The following SRD5A2 variants were observed in gnomAD, a reference collection of about 807,000 sequenced individuals.
SRD5A2 encodes the protein 3-oxo-5-alpha-steroid 4-dehydrogenase 2.
SRD5A2 carries 30 observed loss-of-function variants against 27.4 expected under a neutral mutation model. The observed-to-expected ratio is 1.10, with a 90% CI of 0.82 to 1.49. The LOEUF (loss-of-function observed/expected upper bound fraction) is 1.49. SRD5A2 is among the 40% of genes most tolerant of loss of function. The pLI is 0.00. For missense variants in SRD5A2, 348 were observed against 323.4 expected (o/e 1.08, Z -0.58); for synonymous variants, 141 against 133.6 (o/e 1.06, Z -0.38).
At chr2:31,654,173 A>G in the SRD5A2 span, among the ~76,000 whole-genome samples, 2 of 152,204 alleles carry the variant, frequency 1.3e-5, no homozygotes, top group Admixed American at 6.5e-5. Context: ...CAGAAATGGA[A>G]AAGTTATACC....
the SRD5A2 span, among the ~76,000 whole-genome samples, chr2:31,603,792 A>C: frequency 3.9e-5 from 6 of 152,120 alleles, no homozygotes; most frequent in African/African-American, 1.4e-4. Context: ...CTAACACAGG[A>C]ACAGAAAAAC....
chr2:31,626,167 A>T, the SRD5A2 span, among the ~76,000 whole-genome samples: 4 of 151,700 alleles, frequency 2.6e-5, no homozygotes, highest in African/African-American at 9.7e-5. Flanking sequence ...TTGTCTGTTA[A>T]TGGTGTATAA....
At chr2:31,526,646 C>A (rs1328115494) in intron 4 of SRD5A2, among the ~76,000 whole-genome samples, 2 of 152,012 alleles carry the variant, frequency 1.3e-5, no homozygotes, top group Non-Finnish European at 2.9e-5. Flanking sequence ...ATACAGGGAA[C>A]CAAAGACTAT....
At chr2:31,632,598 T>C in the SRD5A2 span, among the ~76,000 whole-genome samples, 2 of 152,240 alleles carry the variant, frequency 1.3e-5, no homozygotes, top group South Asian at 4.1e-4. Context: ...AACTGTCTCC[T>C]GGACACTGGC....
At chr2:31,535,152 G>T (rs1158854403) in intron 1 of SRD5A2, among the ~76,000 whole-genome samples, 1 of 151,842 alleles carries the variant, frequency 6.6e-6, no homozygotes, top group African/African-American at 2.4e-5. Context: ...CTCCCAAGCA[G>T]CTGGGACTAC....
intron 1 of SRD5A2, among the ~76,000 whole-genome samples, chr2:31,555,867 G>A (rs1229703075): frequency 6.6e-6 from 1 of 152,158 alleles, no homozygotes; most frequent in Non-Finnish European, 1.5e-5. Context: ...CTACTCGGGA[G>A]GGTAAAGTAG....
the SRD5A2 span, among the ~76,000 whole-genome samples, chr2:31,594,325 C>G: frequency 6.6e-6 from 1 of 152,068 alleles, no homozygotes; most frequent in East Asian, 1.9e-4. Context: ...CACATAAAGA[C>G]TCACATAAAC....
chr2:31,582,940 T>A (rs1377128430), upstream of SRD5A2, among the ~76,000 whole-genome samples: 1 of 152,054 alleles, frequency 6.6e-6, no homozygotes, highest in African/African-American at 2.4e-5. Context: ...TTTTTTTAAA[T>A]GAAATGTCTT....
the SRD5A2 span, among the ~76,000 whole-genome samples, chr2:31,637,666 C>G: frequency 3.3e-5 from 5 of 152,028 alleles, no homozygotes; most frequent in Non-Finnish European, 5.9e-5. Flanking sequence ...TTTTTCTATA[C>G]ACTGTTGCTC....
chr2:31,524,775 G>A lies in SRD5A2; in HGVS notation c.*1421C>T, dbSNP rs149256524. On this transcript the variant is annotated 3_prime_UTR_variant, in exon 5 of 5. Coordinates refer to ENST00000622030, the MANE Select transcript of SRD5A2 (RefSeq NM_000348.4). ...TTGCTAAATATTGACAATGCATTCC[G>A]CAAACATAGGCCTGAGAAGACAAAT... 6 of 228,450 alleles carry A rather than the reference G, an allele frequency of 2.6e-5. No homozygotes were observed. The highest frequency in any genetic ancestry group is 6.3e-5 in the East Asian group (1 of 15,974). The allele number at this position is 228,450 out of a possible 1,614,324, so 14.2% of individuals were successfully genotyped here.
At chr2:31,661,529 C>A in the SRD5A2 span, among the ~76,000 whole-genome samples, 3 of 152,126 alleles carry the variant, frequency 2.0e-5, no homozygotes, top group Non-Finnish European at 4.4e-5. Context: ...TAGTCTGGAA[C>A]AAAAGGGAAA....
At chr2:31,643,012 A>T in the SRD5A2 span, among the ~76,000 whole-genome samples, 2 of 152,104 alleles carry the variant, frequency 1.3e-5, no homozygotes, top group South Asian at 4.1e-4. Context: ...AAAAATAGTT[A>T]TCTGGGCAGG....
At chr2:31,627,982 A>G in the SRD5A2 span, among the ~76,000 whole-genome samples, 2 of 152,096 alleles carry the variant, frequency 1.3e-5, no homozygotes, top group Admixed American at 6.6e-5. Flanking sequence ...GTACATGTCT[A>G]TTAGTTGCAT....
chr2:31,593,142 G>A, the SRD5A2 span, among the ~76,000 whole-genome samples: 3 of 152,054 alleles, frequency 2.0e-5, no homozygotes, highest in African/African-American at 7.2e-5. Flanking sequence ...GATAGCATTC[G>A]GAGATATACC....
chr2:31,561,043 T>C (rs778478151), intron 1 of SRD5A2, among the ~76,000 whole-genome samples: 3 of 152,142 alleles, frequency 2.0e-5, no homozygotes, highest in Non-Finnish European at 4.4e-5. Context: ...ATCCCAACCC[T>C]AGAAAAGCAA....
the SRD5A2 span, among the ~76,000 whole-genome samples, chr2:31,631,286 G>C: frequency 8.5e-5 from 13 of 152,066 alleles, no homozygotes; most frequent in East Asian, 2.1e-3. Context: ...CTTTCTTTGT[G>C]GTCAAGAAAG....
intron 1 of SRD5A2, among the ~76,000 whole-genome samples, chr2:31,542,947 T>C (rs1180984552): frequency 6.6e-6 from 1 of 152,102 alleles, no homozygotes; most frequent in Admixed American, 6.6e-5. Flanking sequence ...TCCAAGAAGC[T>C]CAATTAACTC....
At chr2:31,547,895 TTAGA>T (rs879741952) in intron 1 of SRD5A2, among the ~76,000 whole-genome samples, 39 of 152,216 alleles carry the variant, frequency 2.6e-4, no homozygotes, top group Non-Finnish European at 4.3e-4. Flanking sequence ...ATAGATATAG[TTAGA>T]TAGATACAGA....
intron 1 of SRD5A2, among the ~76,000 whole-genome samples, chr2:31,544,965 T>A (rs763344516): frequency 2.6e-5 from 4 of 151,726 alleles, no homozygotes; most frequent in Non-Finnish European, 5.9e-5. Flanking sequence ...AAAGTTCAGA[T>A]TCCTAGAAAT....
Sources: allele counts gnomAD v4.1 joint callset (sites outside exome capture counted in the v4.1 genomes callset), GRCh38; gene constraint gnomAD v4.1.1; transcripts MANE v1.5; gene names NCBI Gene and HGNC (gene_info 2026-07-23, HGNC 2026-07-21).